ROBO1: variants seen among roughly 807,000 people sequenced by gnomAD.
The protein encoded by ROBO1 is roundabout homolog 1.
A neutral mutation model predicts 195.9 loss-of-function variants in ROBO1; 149 were observed. That is an observed-to-expected ratio of 0.76 (90% CI 0.67 to 0.87). The LOEUF (loss-of-function observed/expected upper bound fraction) is 0.87. Ranked by LOEUF, ROBO1 falls within the 40% of genes least tolerant of loss-of-function variation. The pLI, the probability that ROBO1 is intolerant of heterozygous loss-of-function variation, is 0.00. For synonymous variants in ROBO1, 816 were observed against 733.2 expected (o/e 1.11, Z -1.82); for missense variants, 1,933 against 2,068.3 (o/e 0.93, Z 1.27).
At chr3:78,794,758 T>C (rs569845965) in intron 4 of ROBO1, among the ~76,000 whole-genome samples, 1 of 152,096 alleles carries the variant, frequency 6.6e-6, no homozygotes, top group Non-Finnish European at 1.5e-5. Flanking sequence ...AATTTTTGTA[T>C]TTTAATAAAG....
intron 4 of ROBO1, among the ~76,000 whole-genome samples, chr3:78,933,474 A>C (rs2107658155): frequency 6.6e-6 from 1 of 152,238 alleles, no homozygotes; most frequent in South Asian, 2.1e-4. Context: ...TTCAAGAGAT[A>C]ATGTGCCTAT....
At chr3:79,600,286 C>T (rs773967045) in intron 1 of ROBO1, among the ~76,000 whole-genome samples, 7 of 151,942 alleles carry the variant, frequency 4.6e-5, no homozygotes, top group African/African-American at 7.2e-5. Context: ...AGTGTTGCCT[C>T]TGATGAGTTA....
chr3:79,255,026 A>G (rs985640016), intron 2 of ROBO1, among the ~76,000 whole-genome samples: 16 of 152,158 alleles, frequency 1.1e-4, no homozygotes, highest in African/African-American at 3.4e-4. Flanking sequence ...TATGCTTTCA[A>G]ATAGAAGTTG....
chr3:78,751,910 G>A (rs1255605010), intron 4 of ROBO1, among the ~76,000 whole-genome samples: 1 of 151,974 alleles, frequency 6.6e-6, no homozygotes, highest in Non-Finnish European at 1.5e-5. Flanking sequence ...AAAAATAGGG[G>A]AAGATATTCT....
chr3:79,640,087 G>A (rs532614489), intron 1 of ROBO1, among the ~76,000 whole-genome samples: 4 of 152,054 alleles, frequency 2.6e-5, no homozygotes, highest in East Asian at 3.9e-4. Context: ...TCCATTTCAC[G>A]AACACAACTA....
At chr3:78,678,962 A>C (rs976788844) in intron 10 of ROBO1, among the ~76,000 whole-genome samples, 2 of 152,170 alleles carry the variant, frequency 1.3e-5, no homozygotes, top group African/African-American at 4.8e-5. Context: ...TAGCACATCA[A>C]AAAGCTTATC....
chr3:79,300,012 T>C (rs1377513791), intron 2 of ROBO1, among the ~76,000 whole-genome samples: 2 of 152,214 alleles, frequency 1.3e-5, no homozygotes, highest in Admixed American at 1.3e-4. Flanking sequence ...TGAAATGAGA[T>C]AAATGCCTTA....
At chr3:79,135,014 T>A (rs2080374057) in intron 2 of ROBO1, among the ~76,000 whole-genome samples, 1 of 148,514 alleles carries the variant, frequency 6.7e-6, no homozygotes, top group African/African-American at 2.5e-5. Context: ...AATGTGCACA[T>A]GTACCCTAAA....
chr3:79,738,648 G>C (rs1703493089), intron 1 of ROBO1, among the ~76,000 whole-genome samples: 1 of 152,130 alleles, frequency 6.6e-6, no homozygotes, highest in Admixed American at 6.5e-5. Context: ...TTTATATTAT[G>C]CTGTTTTGAG....
chr3:79,496,570 G>A (rs1481480494), intron 2 of ROBO1, among the ~76,000 whole-genome samples: 1 of 147,188 alleles, frequency 6.8e-6, no homozygotes, highest in African/African-American at 2.5e-5. Flanking sequence ...TTTTTTTTTA[G>A]TAGAGACGGG....
chr3:78,906,437 C>A (rs1323869785), intron 4 of ROBO1, among the ~76,000 whole-genome samples: 2 of 152,072 alleles, frequency 1.3e-5, no homozygotes, highest in Non-Finnish European at 2.9e-5. Flanking sequence ...TCCATGTTTG[C>A]CCAGTTAAGT....
intron 28 of ROBO1, among the ~76,000 whole-genome samples, chr3:78,611,775 G>A (rs943775345): frequency 7.2e-5 from 11 of 152,144 alleles, no homozygotes; most frequent in Admixed American, 5.2e-4. Context: ...TGAGGTCACC[G>A]GGGTAGGTCC....
intron 3 of ROBO1, among the ~76,000 whole-genome samples, chr3:79,083,148 A>T (rs1020772601): frequency 2.6e-5 from 4 of 152,070 alleles, no homozygotes; most frequent in African/African-American, 9.7e-5. Context: ...AGGAGCTGAG[A>T]CCATGCCGCT....
At chr3:79,547,102 G>C (rs1049943797) in intron 2 of ROBO1, among the ~76,000 whole-genome samples, 1 of 143,318 alleles carries the variant, frequency 7.0e-6, no homozygotes, top group Non-Finnish European at 1.5e-5. Flanking sequence ...GGAGAATGGC[G>C]TGAACCCGGG....
At chr3:78,872,351 C>T (rs1454777030) in intron 4 of ROBO1, among the ~76,000 whole-genome samples, 2 of 152,204 alleles carry the variant, frequency 1.3e-5, no homozygotes, top group African/African-American at 2.4e-5. Flanking sequence ...CTCCCAGCTA[C>T]GCTGAGTTTG....
chr3:78,799,350 G>GT (rs869166297), intron 4 of ROBO1, among the ~76,000 whole-genome samples: 18 of 149,214 alleles, frequency 1.2e-4, no homozygotes, highest in African/African-American at 2.2e-4. Flanking sequence ...TTTGTTTTTT[G>GT]TTTTTTTTTG....
At chr3:79,412,708 A>G (rs1353660744) in intron 2 of ROBO1, among the ~76,000 whole-genome samples, 1 of 152,040 alleles carries the variant, frequency 6.6e-6, no homozygotes, top group Non-Finnish European at 1.5e-5. Flanking sequence ...TAAAGACAGT[A>G]TGCCAAAAAT....
chr3:79,215,462 G>A (rs2082040657), intron 2 of ROBO1, among the ~76,000 whole-genome samples: 1 of 151,938 alleles, frequency 6.6e-6, no homozygotes, highest in African/African-American at 2.4e-5. Context: ...CCCCTACTCC[G>A]ACCCAACAAA....
chr3:79,647,712 G>A (rs909912491), intron 1 of ROBO1, among the ~76,000 whole-genome samples: 11 of 152,084 alleles, frequency 7.2e-5, no homozygotes, highest in African/African-American at 2.2e-4. Flanking sequence ...CTGCTTTAGG[G>A]ACTTTAATAT....
Sources: allele counts gnomAD v4.1 joint callset (sites outside exome capture counted in the v4.1 genomes callset), GRCh38; gene constraint gnomAD v4.1.1; transcripts MANE v1.5; gene names NCBI Gene and HGNC (gene_info 2026-07-23, HGNC 2026-07-21).